The following KLF8 variants were observed in gnomAD, a reference collection of about 807,000 sequenced individuals.
The protein encoded by KLF8 is KLF transcription factor 8.
In KLF8, 10 loss-of-function variants were observed where a neutral mutation model predicts 18.2. The observed-to-expected ratio is 0.55, with a 90% CI of 0.34 to 0.93. The LOEUF is 0.93. Among genes scored for constraint, KLF8 ranks in the 40% least tolerant of loss-of-function variants. The probability of loss-of-function intolerance (pLI) is 0.02; values close to 1 mark genes in which losing one functional copy is unlikely to be tolerated. For missense variants in KLF8, 264 were observed against 277.9 expected (o/e 0.95, Z 0.36); for synonymous variants, 109 against 97.3 (o/e 1.12, Z -0.71).
At chrX:56,140,387 A>G in the KLF8 span, among the ~76,000 whole-genome samples, 1 of 112,200 alleles carries the variant, frequency 8.9e-6, no homozygotes, top group African/African-American at 3.2e-5. Context: ...CTTGGTAAAG[A>G]AAACATGATA....
chrX:56,226,809 A>C, the KLF8 span, among the ~76,000 whole-genome samples: 1 of 111,507 alleles, frequency 9.0e-6, no homozygotes, highest in African/African-American at 3.3e-5. Context: ...TGCCTGGCTT[A>C]CTCTTTTAAA....
chrX:55,993,855 A>G, the KLF8 span, among the ~76,000 whole-genome samples: 11 of 106,043 alleles, frequency 1.0e-4, no homozygotes, highest in South Asian at 4.5e-3. Context: ...GGGAGGTAGT[A>G]TATTCCCAGA....
chrX:56,087,089 T>C, the KLF8 span, among the ~76,000 whole-genome samples: 3 of 111,388 alleles, frequency 2.7e-5, no homozygotes, highest in Non-Finnish European at 5.7e-5. Flanking sequence ...TAGAGGCCTC[T>C]ATTAGGGTTA....
the KLF8 span, among the ~76,000 whole-genome samples, chrX:55,995,952 A>G: frequency 8.9e-6 from 1 of 111,987 alleles, no homozygotes; most frequent in Non-Finnish European, 1.9e-5. Context: ...CACTGACAAT[A>G]TTCTTAAATA....
At chrX:56,146,151 T>C in the KLF8 span, among the ~76,000 whole-genome samples, 4 of 112,149 alleles carry the variant, frequency 3.6e-5, no homozygotes, top group East Asian at 1.1e-3. Context: ...GAAGACAGTG[T>C]GGCAATTCCT....
chrX:56,148,146 T>C, the KLF8 span, among the ~76,000 whole-genome samples: 4 of 112,362 alleles, frequency 3.6e-5, no homozygotes, highest in Non-Finnish European at 7.5e-5. Flanking sequence ...CAGATATGCA[T>C]GCACACCCTC....
the KLF8 span, among the ~76,000 whole-genome samples, chrX:56,175,192 G>A: frequency 5.4e-5 from 6 of 111,587 alleles, no homozygotes; most frequent in Non-Finnish European, 1.1e-4. Flanking sequence ...TGATGTTAGG[G>A]TGTCAATTTT....
chrX:56,028,539 C>T, the KLF8 span, among the ~76,000 whole-genome samples: 1 of 111,549 alleles, frequency 9.0e-6, no homozygotes, highest in African/African-American at 3.3e-5. Flanking sequence ...GGGCATCCAT[C>T]CCTTTTGCAC....
chrX:56,143,683 A>G, the KLF8 span, among the ~76,000 whole-genome samples: 2 of 111,572 alleles, frequency 1.8e-5, no homozygotes, highest in Admixed American at 9.6e-5. Context: ...TTCTGATCCT[A>G]TGAGGTAAAT....
the KLF8 span, among the ~76,000 whole-genome samples, chrX:56,165,146 C>T: frequency 9.1e-6 from 1 of 110,319 alleles, no homozygotes; most frequent in East Asian, 2.9e-4. Context: ...TTCACAATAG[C>T]AAAGACTTGG....
chrX:56,090,444 CTT>C, the KLF8 span, among the ~76,000 whole-genome samples: 6 of 111,639 alleles, frequency 5.4e-5, no homozygotes, highest in East Asian at 1.1e-3. Context: ...TAGAATCAAA[CTT>C]ATGTATTTCA....
intron 1 of KLF8, among the ~76,000 whole-genome samples, chrX:56,247,975 G>A (rs751520669): frequency 1.8e-5 from 2 of 111,583 alleles, no homozygotes. Context: ...CAGCACAGTC[G>A]ATTTGTTTAC....
At chrX:55,987,359 C>T in the KLF8 span, among the ~76,000 whole-genome samples, 10 of 110,130 alleles carry the variant, frequency 9.1e-5, no homozygotes, top group Non-Finnish European at 1.5e-4. Flanking sequence ...CCTCCCCCAA[C>T]CCCACAACAG....
chrX:56,228,274 A>C (rs890050005), upstream of KLF8, among the ~76,000 whole-genome samples: 10 of 111,825 alleles, frequency 8.9e-5, no homozygotes, highest in Non-Finnish European at 3.8e-5. Context: ...CTTTATTGAG[A>C]GCTTTCTTTG....
At chrX:56,044,394 C>A in the KLF8 span, among the ~76,000 whole-genome samples, 1 of 112,316 alleles carries the variant, frequency 8.9e-6, no homozygotes. Flanking sequence ...TCAAAGCCAG[C>A]AGGCTGGAGT....
the KLF8 span, among the ~76,000 whole-genome samples, chrX:55,941,597 G>T: frequency 9.0e-6 from 1 of 111,535 alleles, no homozygotes; most frequent in African/African-American, 3.3e-5. Context: ...TACAGAATGG[G>T]AGAAAACTTT....
At chrX:56,050,350 T>C in the KLF8 span, among the ~76,000 whole-genome samples, 1 of 112,174 alleles carries the variant, frequency 8.9e-6, no homozygotes, top group Non-Finnish European at 1.9e-5. Flanking sequence ...GTTCTTTTAA[T>C]TGTGATGTTA....
At chrX:56,162,662 T>A in the KLF8 span, among the ~76,000 whole-genome samples, 2 of 111,637 alleles carry the variant, frequency 1.8e-5, no homozygotes, top group African/African-American at 6.5e-5. Flanking sequence ...CCAGGTGCCA[T>A]CTGTCACCCC....
chrX:56,091,007 T>C, the KLF8 span, among the ~76,000 whole-genome samples: 1 of 112,233 alleles, frequency 8.9e-6, no homozygotes, highest in Non-Finnish European at 1.9e-5. Flanking sequence ...CACGTTTTCT[T>C]CATCCATTCC....
Sources: gnomAD v4.1 joint callset for allele counts (sites outside exome capture counted in the v4.1 genomes callset) on GRCh38, gnomAD v4.1.1 for gene constraint, MANE v1.5 for transcripts, NCBI Gene and HGNC (gene_info 2026-07-23, HGNC 2026-07-21) for gene names.